GPALPP1: variants seen among roughly 807,000 people sequenced by gnomAD.
GPALPP1 encodes the protein GPALPP motifs containing 1.
A neutral mutation model predicts 38.9 loss-of-function variants in GPALPP1; 30 were observed. The observed-to-expected ratio is 0.77, with a 90% CI of 0.58 to 1.05. GPALPP1 has a LOEUF of 1.05. GPALPP1 is among the 50% of genes least tolerant of loss of function. GPALPP1 has a pLI of 0.00. For synonymous variants in GPALPP1, 120 were observed against 139.2 expected (o/e 0.86, Z 0.97); for missense variants, 384 against 408.8 (o/e 0.94, Z 0.52).
In GPALPP1 at chr13:45,028,675, G is replaced by A. The variant is rs1374653465; in HGVS notation, c.*672G>A. On this transcript the variant is annotated 3_prime_UTR_variant, in exon 8 of 8. Coordinates refer to ENST00000379151, the MANE Select transcript of GPALPP1 (RefSeq NM_018559.5). ...GCAGGCTGAGGTGGGAGGATCCCTT[G>A]AGCCCAGGAATTCAAGGCAGCAGTG... 1 of 152,246 alleles carries A rather than the reference G, an allele frequency of 6.6e-6. No individual in the cohort carries two copies. The allele number at this position is 152,246 out of a possible 1,614,324, so 9.4% of individuals were successfully genotyped here. A position where few individuals can be genotyped will look rare whatever the true frequency, so the allele number is the denominator to read the frequency against.
chr13:44,989,721 G>T lies in GPALPP1; in HGVS notation c.67G>T (p.Glu23Ter). The T allele has an allele frequency of 1.2e-6, 2 of 1,609,798 alleles. No homozygotes were observed. The highest frequency in any genetic ancestry group is 1.7e-6 in the Non-Finnish European group (2 of 1,179,584). ...CAAGGCCCGCGGAACAGCGGAGGACGAAGAGCGGGACCCGAGCCCTGGTAA... is the reference window on the plus strand; with the variant it reads ...CAAGGCCCGCGGAACAGCGGAGGACTAAGAGCGGGACCCGAGCCCTGGTAA... The part of the protein sequence containing the change: ...GFKARGTAED[E>*]ERDPSPVAGP... Residue 23 changes from glutamate to a stop codon, truncating the protein, a stop_gained, in exon 1 of 8, where the codon GAA (glutamate) becomes TAA (stop). Transcript: ENST00000379151. LOFTEE classifies it high-confidence loss of function.
At chr13:45,025,117 C>T (rs1042552150) in intron 7 of GPALPP1, among the ~76,000 whole-genome samples, 1 of 151,934 alleles carries the variant, frequency 6.6e-6, no homozygotes. Context: ...CCACTTGTAC[C>T]CCTAAAGCTA....
rs538748285 is a variant in GPALPP1, at chr13:45,018,169, G to A, written c.706-2161G>A. Among the ~76,000 whole-genome samples the A allele has an allele frequency of 6.7e-4, 102 of 152,230 alleles. 1 individual carries two copies. The highest frequency in any genetic ancestry group is 1.2e-3 in the Non-Finnish European group (80 of 68,016). ...TCCTAACACTTTGGGAGGCTGAGGT[G>A]GGCGGATCACAAGGTCAGGAGATCA... On this transcript the variant is annotated intron_variant, in intron 6 of 7. Coordinates refer to ENST00000379151, the MANE Select transcript of GPALPP1 (RefSeq NM_018559.5).
At chr13:45,027,678 C>T in intron 7 of GPALPP1, 107 bp from the exon 8 acceptor site, 1 of 553,222 alleles carries the variant, frequency 1.8e-6, no homozygotes, top group Non-Finnish European at 3.2e-6. Flanking sequence ...TTGTAAATAG[C>T]CCTCCTTAAT....
chr13:44,996,688 GGCCA>G (rs1182440742), intron 1 of GPALPP1, among the ~76,000 whole-genome samples: 8 of 151,516 alleles, frequency 5.3e-5, no homozygotes, highest in Non-Finnish European at 1.2e-4. Flanking sequence ...TCACCATGTT[GGCCA>G]GACTGGTCTG....
chr13:45,013,398 A>G (rs1238727342), intron 4 of GPALPP1, among the ~76,000 whole-genome samples: 1 of 152,200 alleles, frequency 6.6e-6, no homozygotes, highest in Non-Finnish European at 1.5e-5. Context: ...TTTGTAGAGA[A>G]AGGAAAATCT....
At position 44,989,570 on chromosome 13, in the gene GPALPP1, T is replaced by C; in HGVS notation, c.-85T>C. On this transcript the variant is annotated 5_prime_UTR_variant, in exon 1 of 8. Transcript: ENST00000379151. ...CTCGGCGCCGGGAAACCTGCCATTC[T>C]TCGCTGCTGATCGCGGGATTCTTTT... 1 of 1,493,232 alleles carries C rather than the reference T, an allele frequency of 6.7e-7. No homozygotes were observed. The highest frequency in any genetic ancestry group is 9.3e-7 in the Non-Finnish European group (1 of 1,077,320). 92.5% of individuals were successfully genotyped at this position (1,493,232 alleles called of 1,614,324 possible).
exon 8 of GPALPP1, chr13:45,036,892 G>A (rs1216003267): frequency 6.6e-6 from 1 of 152,208 alleles, no homozygotes; most frequent in Admixed American, 6.5e-5. Flanking sequence ...AAGAGTTCAA[G>A]GCTGCAGTGA....
At chr13:45,004,865 A>G (rs1036630777) in intron 2 of GPALPP1, among the ~76,000 whole-genome samples, 5 of 151,924 alleles carry the variant, frequency 3.3e-5, no homozygotes, top group Admixed American at 6.6e-5. Context: ...CATGTTGCCC[A>G]GGCTGGTCTC....
In GPALPP1 at chr13:45,029,052, C is replaced by T. The variant is rs1876048378; in HGVS notation, c.*1049C>T. On this transcript the variant is annotated 3_prime_UTR_variant, in exon 8 of 8. Coordinates refer to ENST00000379151, the MANE Select transcript of GPALPP1 (RefSeq NM_018559.5). ...TAGCCTAGGTGACAAGATCGAGAGACTCTGTCTCAAAAAAGAAAGAAAAAG... is the reference window on the plus strand; with the variant it reads ...TAGCCTAGGTGACAAGATCGAGAGATTCTGTCTCAAAAAAGAAAGAAAAAG... 1 of 151,962 alleles carries T rather than the reference C, an allele frequency of 6.6e-6. No individual in the cohort carries two copies. The highest frequency in any genetic ancestry group is 1.5e-5 in the Non-Finnish European group (1 of 68,006). The allele number at this position is 151,962 out of a possible 1,614,324, so 9.4% of individuals were successfully genotyped here. A position where few individuals can be genotyped will look rare whatever the true frequency, so the allele number is the denominator to read the frequency against.
At chr13:45,036,089 A>G (rs1262976362) in exon 8 of GPALPP1, 2 of 152,208 alleles carry the variant, frequency 1.3e-5, no homozygotes, top group Non-Finnish European at 1.5e-5. Context: ...CTGTTTTCCT[A>G]TTATATATTC....
At chr13:45,016,160 CA>C (rs1009410090) in intron 6 of GPALPP1, among the ~76,000 whole-genome samples, 5 of 151,998 alleles carry the variant, frequency 3.3e-5, no homozygotes, top group African/African-American at 1.2e-4. Flanking sequence ...GTAAGTTATC[CA>C]AAAAATACCA....
At chr13:45,001,616 T>A (rs1441610761) in intron 1 of GPALPP1, 1 of 152,076 alleles carries the variant, frequency 6.6e-6, no homozygotes, top group Non-Finnish European at 1.5e-5. Context: ...TTCTCACCTC[T>A]AACATCCAAA....
At chr13:45,020,625 C>T (rs530985042) in intron 7 of GPALPP1, among the ~76,000 whole-genome samples, 197 bp downstream of exon 7, 1 of 151,142 alleles carries the variant, frequency 6.6e-6, no homozygotes, top group Non-Finnish European at 1.5e-5. Context: ...TTGAAGGCCT[C>T]CCTGCCTAAT....
intron 6 of GPALPP1, among the ~76,000 whole-genome samples, chr13:45,018,256 G>C (rs986659533): frequency 1.3e-5 from 2 of 152,240 alleles, no homozygotes; most frequent in African/African-American, 4.8e-5. Flanking sequence ...AATTAGCCAG[G>C]CGTGGTGGCG....
At position 44,999,149 on chromosome 13, in the gene GPALPP1, G is replaced by T. The variant is rs527718236; in HGVS notation, c.89-5156G>T. On this transcript the variant is annotated intron_variant, in intron 1 of 7. Coordinates refer to ENST00000379151, the MANE Select transcript of GPALPP1 (RefSeq NM_018559.5). ...GAGAAGAACAGAATTGGTTTTGGGGGAGTAACATTTCATTTCATCGGAGTT... is the reference window on the plus strand; with the variant it reads ...GAGAAGAACAGAATTGGTTTTGGGGTAGTAACATTTCATTTCATCGGAGTT... Among the ~76,000 whole-genome samples, 3 of 152,286 alleles carry T rather than the reference G, an allele frequency of 2.0e-5. No homozygotes were observed. The South Asian group carries it at 6.2e-4, about 32-fold the overall frequency.
downstream of GPALPP1, chr13:45,031,180 A>G (rs1876180429): frequency 6.6e-6 from 1 of 152,160 alleles, no homozygotes. Flanking sequence ...AAATAAATAG[A>G]TGAATTTTTC....
chr13:45,016,499 T>G (rs1018140875), intron 6 of GPALPP1, among the ~76,000 whole-genome samples: 1 of 152,210 alleles, frequency 6.6e-6, no homozygotes, highest in African/African-American at 2.4e-5. Context: ...AAATACATTA[T>G]TTTTAATCTT....
intron 3 of GPALPP1, among the ~76,000 whole-genome samples, chr13:45,007,041 G>A (rs1874151019): frequency 6.6e-6 from 1 of 151,912 alleles, no homozygotes; most frequent in East Asian, 1.9e-4. Flanking sequence ...ACATTTGGCA[G>A]CTCCTAACTT....
Sources: allele counts gnomAD v4.1 joint callset (sites outside exome capture counted in the v4.1 genomes callset), GRCh38; gene constraint gnomAD v4.1.1; transcripts MANE v1.5; gene names NCBI Gene and HGNC (gene_info 2026-07-23, HGNC 2026-07-21).